SYN3: variants seen among roughly 807,000 people sequenced by gnomAD.
SYN3 encodes synapsin III.
In SYN3, 35 loss-of-function variants were observed where a neutral mutation model predicts 65.8. The ratio of observed to expected loss-of-function variants is 0.53; its 90% CI spans 0.41 to 0.70. The LOEUF (loss-of-function observed/expected upper bound fraction) is 0.70. SYN3 is among the 30% of genes least tolerant of loss of function. The pLI is 0.00. For missense variants in SYN3, 680 were observed against 749.0 expected (o/e 0.91, Z 1.08); for synonymous variants, 270 against 292.9 (o/e 0.92, Z 0.80).
At chr22:32,933,078 A>G (rs1048315067) in intron 3 of SYN3, among the ~76,000 whole-genome samples, 2 of 152,202 alleles carry the variant, frequency 1.3e-5, no homozygotes, top group African/African-American at 4.8e-5. Context: ...AAATAAAGTC[A>G]CATTCTACTG....
intron 4 of SYN3, among the ~76,000 whole-genome samples, chr22:32,910,154 C>T (rs924573951): frequency 3.3e-5 from 5 of 152,130 alleles, no homozygotes; most frequent in Admixed American, 2.6e-4. Context: ...CTCTCTGTGG[C>T]ACGTTTATTT....
intron 6 of SYN3, among the ~76,000 whole-genome samples, chr22:32,599,298 C>T (rs868852542): frequency 6.6e-6 from 1 of 150,978 alleles, no homozygotes; most frequent in East Asian, 1.9e-4. Flanking sequence ...TAAAACACTG[C>T]TTAGACAGCT....
intron 1 of SYN3, among the ~76,000 whole-genome samples, chr22:33,044,153 A>T (rs1455854645): frequency 6.6e-6 from 1 of 152,182 alleles, no homozygotes; most frequent in African/African-American, 2.4e-5. Context: ...ATGCTCGAAA[A>T]GTGGGCAGGA....
chr22:32,603,169 G>A (rs1365713620), intron 6 of SYN3, among the ~76,000 whole-genome samples: 1 of 151,956 alleles, frequency 6.6e-6, no homozygotes, highest in Non-Finnish European at 1.5e-5. Flanking sequence ...ACGGGACCAG[G>A]CACTTTATGG....
intron 6 of SYN3, among the ~76,000 whole-genome samples, chr22:32,750,458 G>A (rs2045082245): frequency 6.6e-6 from 1 of 152,176 alleles, no homozygotes; most frequent in African/African-American, 2.4e-5. Flanking sequence ...AACCCCTTCT[G>A]CATCATGGGG....
rs192252135 is a variant in SYN3 at position 32,905,052 on chromosome 22, T to C, written c.461+26338A>G. On this transcript the variant is annotated intron_variant, in intron 4 of 13. Coordinates refer to ENST00000358763, the MANE Select transcript of SYN3 (RefSeq NM_003490.4). The stretch of plus-strand genomic sequence containing the variant: ...CTCTCTGAGCTTCAGTTTTCTCATC[T>C]ATAAAACCACAGGGTGGAATTAAGT... Among the ~76,000 whole-genome samples, 192 of 152,308 alleles carry C rather than the reference T, an allele frequency of 1.3e-3. 1 individual carries two copies. The highest frequency in any genetic ancestry group is 4.4e-3 in the African/African-American group (182 of 41,582).
At chr22:32,766,693 A>G (rs2045636889) in intron 6 of SYN3, among the ~76,000 whole-genome samples, 1 of 152,122 alleles carries the variant, frequency 6.6e-6, no homozygotes, top group African/African-American at 2.4e-5. Context: ...AAATATCTTG[A>G]TGTTTTCCCC....
intron 6 of SYN3, among the ~76,000 whole-genome samples, chr22:32,678,598 T>TCTTCTCCTTCTTTCTTCCTCTTCTTCCTC (rs1405324180): frequency 4.0e-5 from 6 of 151,052 alleles, no homozygotes; most frequent in African/African-American, 1.5e-4. Context: ...TTCTTCTCCT[T>TCTTCTCCTTCTTTCTTCCTCTTCTTCCTC]CTTCTCCTTC....
intron 6 of SYN3, among the ~76,000 whole-genome samples, chr22:32,676,528 CTTTTTTTTT>C (rs879196572): frequency 2.4e-3 from 212 of 88,894 alleles, no homozygotes; most frequent in East Asian, 0.01. Context: ...TCTTTTCTTT[CTTTTTTTTT>C]TTTTTTTTTT....
intron 2 of SYN3, among the ~76,000 whole-genome samples, chr22:33,004,251 A>G (rs1206088879): frequency 6.6e-6 from 1 of 152,220 alleles, no homozygotes; most frequent in Non-Finnish European, 1.5e-5. Flanking sequence ...GAAGAGGGCT[A>G]CTGTCTTCCA....
intron 7 of SYN3, among the ~76,000 whole-genome samples, chr22:32,590,936 G>T (rs1228773481): frequency 6.6e-6 from 1 of 152,166 alleles, no homozygotes; most frequent in East Asian, 1.9e-4. Context: ...TTGGATTTTG[G>T]GTGCCCAGAA....
intron 6 of SYN3, among the ~76,000 whole-genome samples, chr22:32,843,882 C>G (rs2047985819): frequency 6.6e-6 from 1 of 152,090 alleles, no homozygotes; most frequent in African/African-American, 2.4e-5. Flanking sequence ...TGCCTTAAAG[C>G]AGCAAAATCA....
chr22:32,684,766 C>T (rs889901896), intron 6 of SYN3, among the ~76,000 whole-genome samples: 1 of 152,160 alleles, frequency 6.6e-6, no homozygotes, highest in Non-Finnish European at 1.5e-5. Context: ...ATAAAGAGAG[C>T]TCTAAAACAG....
chr22:32,592,119 G>T (rs141607874), intron 7 of SYN3, among the ~76,000 whole-genome samples: 14 of 152,332 alleles, frequency 9.2e-5, no homozygotes, highest in Admixed American at 3.3e-4. Flanking sequence ...TGGGGGTCTT[G>T]GAATGTATCC....
chr22:32,544,456 T>A (rs2058307250), intron 7 of SYN3, among the ~76,000 whole-genome samples: 2 of 152,204 alleles, frequency 1.3e-5, no homozygotes, highest in South Asian at 4.1e-4. Context: ...TCTTTAGGTT[T>A]TACTCCCTAC....
intron 3 of SYN3, among the ~76,000 whole-genome samples, chr22:32,938,156 A>G (rs1260961593): frequency 1.3e-5 from 2 of 152,224 alleles, no homozygotes; most frequent in Non-Finnish European, 2.9e-5. Flanking sequence ...AGAAACAAAG[A>G]TAAGAATGAT....
intron 4 of SYN3, among the ~76,000 whole-genome samples, chr22:32,907,107 A>G (rs2049923088): frequency 6.6e-6 from 1 of 152,196 alleles, no homozygotes; most frequent in African/African-American, 2.4e-5. Flanking sequence ...TGGTTGAACT[A>G]ATTTACATTC....
Position 32,513,713 on chromosome 22 carries a change from A to C in SYN3, c.1722T>G (p.Phe574Leu). 1.2e-6 allele frequency: 2 copies of C among 1,614,182 alleles called. No homozygotes were observed. Among genetic ancestry groups the C allele is most frequent in the Non-Finnish European group, 1.7e-6 (2 of 1,180,030 alleles). The change falls in exon 14 of 14, where the codon TTT becomes TTG. Residue 574 changes from phenylalanine to leucine, a missense_variant. By Grantham distance (22) the Phe-to-Leu change is conservative (BLOSUM62 0). Transcript: ENST00000358763. ...AETIRNLRKS[F>L]ASLFSD ...GGCGTTAGTCAGAGAACAGGCTGGC[A>C]AAAGACTTCCTCAGGTTGCGGATGG...
chr22:32,754,206 C>T (rs563002788), intron 6 of SYN3, among the ~76,000 whole-genome samples: 1 of 152,208 alleles, frequency 6.6e-6, no homozygotes, highest in Non-Finnish European at 1.5e-5. Context: ...GGCCAGAGTG[C>T]AGTGGCGCGA....
Sources: allele counts gnomAD v4.1 joint callset (sites outside exome capture counted in the v4.1 genomes callset), GRCh38; gene constraint gnomAD v4.1.1; transcripts MANE v1.5; gene names NCBI Gene and HGNC (gene_info 2026-07-23, HGNC 2026-07-21).